Variants in CAPN8 observed in about 807,000 individuals in gnomAD.
The protein encoded by CAPN8 is calpain-8.
Under a neutral mutation model 80.9 loss-of-function variants are expected in CAPN8, and 87 were observed. That is an observed-to-expected ratio of 1.07 (90% CI 0.90 to 1.28). CAPN8 has a LOEUF of 1.28. Ranked by LOEUF, CAPN8 falls within the 50% of genes most tolerant of loss-of-function variation. CAPN8 has a pLI of 0.00. For missense variants in CAPN8, 757 were observed against 702.0 expected (o/e 1.08, Z -0.89); for synonymous variants, 299 against 273.8 (o/e 1.09, Z -0.91).
chr1:223,665,328 C>G, intron 1 of CAPN8, 82 bp downstream of exon 1: 1 of 1,135,490 alleles, frequency 8.8e-7, no homozygotes. Flanking sequence ...TCCACAGCCT[C>G]AACTTCTCCC....
At chr1:223,542,822 G>A (rs1224090854) in intron 20 of CAPN8, among the ~76,000 whole-genome samples, 1 of 152,036 alleles carries the variant, frequency 6.6e-6, no homozygotes. Context: ...TTTATATTGT[G>A]CCCACTACCC....
intron 2 of CAPN8, among the ~76,000 whole-genome samples, chr1:223,631,801 A>G (rs978005457): frequency 2.0e-5 from 3 of 152,210 alleles, no homozygotes; most frequent in Non-Finnish European, 2.9e-5. Context: ...AGGTAGGGCA[A>G]GCACAGAAGC....
chr1:223,550,432 G>A (rs1335222013), intron 15 of CAPN8, among the ~76,000 whole-genome samples: 1 of 152,188 alleles, frequency 6.6e-6, no homozygotes, highest in East Asian at 1.9e-4. Context: ...GTGTCCTCCT[G>A]TGGGCTGGGG....
chr1:223,558,249 G>A (rs979900582), intron 12 of CAPN8, 82 bp from the exon 13 acceptor site: 41 of 397,762 alleles, frequency 1.0e-4, no homozygotes, highest in African/African-American at 7.4e-4. Context: ...GGAAGATTTC[G>A]ACCCTCCTGA....
intron 14 of CAPN8, among the ~76,000 whole-genome samples, chr1:223,552,049 C>T (rs781770590): frequency 2.0e-4 from 30 of 152,218 alleles, no homozygotes; most frequent in Admixed American, 8.5e-4. Flanking sequence ...CAAGGAAATG[C>T]AGAGAAGGCG....
rs1331913444 is a variant in CAPN8, at chr1:223,656,668, G to GTTTTTTTTTT, written c.238-2270_238-2269insAAAAAAAAAA. ...ATTTATGTACATACACACGTTTTGG[G>GTTTTTTTTTT]TTTTTTTGTTTTGTTTTTTTTTTTT... On this transcript the variant is annotated intron_variant, in intron 1 of 20. Coordinates refer to ENST00000366872, the MANE Select transcript of CAPN8 (RefSeq NM_001143962.2). Among the ~76,000 whole-genome samples, 21 of 94,820 alleles carry GTTTTTTTTTT rather than the reference G, an allele frequency of 2.2e-4. 4 individuals are homozygous for GTTTTTTTTTT. Among genetic ancestry groups the GTTTTTTTTTT allele is most frequent in the Admixed American group, 4.1e-4 (3 of 7,354 alleles). The allele number at this position is 94,820 out of a possible 152,430, so 62.2% of individuals were successfully genotyped here.
At chr1:223,550,589 A>G (rs1005819673) in intron 15 of CAPN8, among the ~76,000 whole-genome samples, 9 of 152,176 alleles carry the variant, frequency 5.9e-5, no homozygotes, top group Non-Finnish European at 1.2e-4. Context: ...TAGATCTTTC[A>G]TCTGCAGAGG....
chr1:223,627,003 C>T lies in CAPN8; in HGVS notation c.715G>A (p.Gly239Ser). 3.9e-6 allele frequency: 6 copies of T among 1,551,628 alleles called. No homozygotes were observed. Among genetic ancestry groups the T allele is most frequent in the Non-Finnish European group, 5.2e-6 (6 of 1,146,962 alleles). ...ATATGCCTCACATCAATGGAGCAGC[C>T]CAGCAGAGACCCCGCACAGAGGGCC... ...RKALCAGSLL[G>S]CSIDVSSAAE... Residue 239 changes from glycine to serine, a missense_variant, in exon 5 of 21, where the codon GGC becomes AGC. Gly to Ser is a moderately conservative substitution (Grantham distance 56). Transcript: ENST00000366872.
At chr1:223,643,329 C>G (rs1047142777) in intron 2 of CAPN8, among the ~76,000 whole-genome samples, 1 of 152,164 alleles carries the variant, frequency 6.6e-6, no homozygotes. Context: ...CTGAGGTTTC[C>G]AAATATACAT....
chr1:223,543,391 A>G (rs548617622), intron 19 of CAPN8, among the ~76,000 whole-genome samples: 3 of 151,644 alleles, frequency 2.0e-5, no homozygotes, highest in Non-Finnish European at 4.4e-5. Context: ...AAACAGACAA[A>G]CCCCGTTGCC....
rs897470232 is a variant in CAPN8 at position 223,549,254 on chromosome 1, G to A, written c.1764+64C>T. On this transcript the variant is annotated intron_variant, in intron 16 of 20. Transcript: ENST00000366872. The stretch of plus-strand genomic sequence containing the variant: ...TCCCTTCCTTCTAACTGGAAAAGGT[G>A]GAGGAGTCTTTAAAAACCGGACGAA... 1.9e-5 allele frequency: 29 copies of A among 1,533,686 alleles called. 1 individual carries two copies. Among genetic ancestry groups the A allele is most frequent in the Middle Eastern group, 1.9e-4 (1 of 5,392 alleles).
intron 16 of CAPN8, among the ~76,000 whole-genome samples, chr1:223,546,760 C>A (rs1038475348): frequency 6.6e-6 from 1 of 152,126 alleles, no homozygotes; most frequent in South Asian, 2.1e-4. Context: ...GAATTTGGAC[C>A]CCTGTCTGTT....
At chr1:223,639,794 C>A (rs913064209) in intron 2 of CAPN8, among the ~76,000 whole-genome samples, 1 of 152,198 alleles carries the variant, frequency 6.6e-6, no homozygotes, top group African/African-American at 2.4e-5. Flanking sequence ...TTGCACAAGA[C>A]AAAGTGGCTA....
intron 13 of CAPN8, among the ~76,000 whole-genome samples, chr1:223,556,190 C>T (rs1656903904): frequency 6.6e-6 from 1 of 152,210 alleles, no homozygotes; most frequent in Non-Finnish European, 1.5e-5. Context: ...GTCCAACTGT[C>T]CGTGACTTGG....
At chr1:223,660,167 G>A (rs976850657) in intron 1 of CAPN8, among the ~76,000 whole-genome samples, 1 of 152,178 alleles carries the variant, frequency 6.6e-6, no homozygotes, top group Non-Finnish European at 1.5e-5. Context: ...TTATTATGCA[G>A]CTGACATCAC....
chr1:223,637,304 C>T (rs1657923357), intron 2 of CAPN8, among the ~76,000 whole-genome samples: 1 of 152,200 alleles, frequency 6.6e-6, no homozygotes, highest in Non-Finnish European at 1.5e-5. Flanking sequence ...TGTAGCCACA[C>T]TCCACCTCTG....
intron 1 of CAPN8, among the ~76,000 whole-genome samples, chr1:223,660,799 C>T (rs948925789): frequency 2.0e-5 from 3 of 152,098 alleles, no homozygotes; most frequent in Admixed American, 1.3e-4. Flanking sequence ...GGACTTAAAG[C>T]CCCCAACACT....
chr1:223,555,072 C>T (rs1656873746), intron 13 of CAPN8, among the ~76,000 whole-genome samples: 1 of 152,216 alleles, frequency 6.6e-6, no homozygotes, highest in African/African-American at 2.4e-5. Context: ...ATGCTGTACT[C>T]ATAAAGATAA....
At chr1:223,638,632 C>T (rs1346807172) in intron 2 of CAPN8, among the ~76,000 whole-genome samples, 4 of 152,150 alleles carry the variant, frequency 2.6e-5, no homozygotes, top group Non-Finnish European at 5.9e-5. Flanking sequence ...ACCTTCAGTG[C>T]CTCCGGGAAT....
Sources: allele counts gnomAD v4.1 joint callset (sites outside exome capture counted in the v4.1 genomes callset), GRCh38; gene constraint gnomAD v4.1.1; transcripts MANE v1.5; gene names NCBI Gene and HGNC (gene_info 2026-07-23, HGNC 2026-07-21).